The following CUX2 variants were observed in gnomAD, a reference collection of about 807,000 sequenced individuals.
The protein encoded by CUX2 is homeobox protein cut-like 2.
In CUX2, 40 loss-of-function variants were observed where a neutral mutation model predicts 144.8. The ratio of observed to expected loss-of-function variants is 0.28; its 90% CI spans 0.21 to 0.36. The LOEUF (loss-of-function observed/expected upper bound fraction) is 0.36, where lower values mean the gene tolerates loss of function less well. CUX2 is among the 10% of genes least tolerant of loss of function. CUX2 has a pLI of 1.00. For missense variants in CUX2, 1,615 were observed against 1,994.0 expected (o/e 0.81, Z 3.62); for synonymous variants, 827 against 875.6 (o/e 0.94, Z 0.98).
intron 1 of CUX2, among the ~76,000 whole-genome samples, chr12:111,073,461 A>G (rs1042484589): frequency 6.6e-6 from 1 of 152,060 alleles, no homozygotes. Flanking sequence ...TGTTAGGAAC[A>G]TTTGTTCATT....
chr12:111,281,051 G>A (rs957174812), intron 4 of CUX2, among the ~76,000 whole-genome samples: 25 of 152,020 alleles, frequency 1.6e-4, no homozygotes, highest in African/African-American at 5.3e-4. Context: ...TGCAGTAGCC[G>A]CCTATCTGAC....
intron 1 of CUX2, among the ~76,000 whole-genome samples, chr12:111,084,828 C>T (rs968344497): frequency 2.6e-5 from 4 of 152,128 alleles, no homozygotes; most frequent in African/African-American, 4.8e-5. Flanking sequence ...TGTACCTGCT[C>T]TCACTCGGGC....
intron 1 of CUX2, among the ~76,000 whole-genome samples, chr12:111,063,040 G>A (rs1870850790): frequency 6.6e-6 from 1 of 152,170 alleles, no homozygotes; most frequent in Non-Finnish European, 1.5e-5. Context: ...GAGGATTGAA[G>A]GGGTTTGAGG....
chr12:111,237,608 G>A (rs533605954), intron 3 of CUX2, among the ~76,000 whole-genome samples: 1 of 152,298 alleles, frequency 6.6e-6, no homozygotes, highest in African/African-American at 2.4e-5. Flanking sequence ...GAGCTGTTTA[G>A]AAACAGGTAT....
intron 14 of CUX2, 144 bp downstream of exon 14, chr12:111,308,670 T>C: frequency 2.9e-6 from 2 of 685,986 alleles, no homozygotes; most frequent in African/African-American, 1.8e-5. Flanking sequence ...TGGCACCTGC[T>C]GTATGCCTGT....
intron 3 of CUX2, among the ~76,000 whole-genome samples, chr12:111,256,777 T>C (rs753476119): frequency 6.6e-6 from 1 of 152,142 alleles, no homozygotes; most frequent in Non-Finnish European, 1.5e-5. Flanking sequence ...TCTTCCTCTG[T>C]AGAACAGGGC....
chr12:111,318,694 T>C (rs1000294079), intron 16 of CUX2, among the ~76,000 whole-genome samples: 2 of 152,130 alleles, frequency 1.3e-5, no homozygotes. Context: ...ACTATTTTTT[T>C]TTCTAGAGAT....
At chr12:111,122,040 G>A (rs939061152) in intron 1 of CUX2, among the ~76,000 whole-genome samples, 1 of 152,146 alleles carries the variant, frequency 6.6e-6, no homozygotes, top group Non-Finnish European at 1.5e-5. Flanking sequence ...GGAAGTTTCT[G>A]GTTTGACTGG....
rs1870792382 is a variant in CUX2, at chr12:111,061,917, T to G, written c.63+27677T>G. ...CAAGTTCAAATTCTGCCCCTGCCAA[T>G]AAGACTTCAGCGCGTGCACTCCATC... On this transcript the variant is annotated intron_variant, in intron 1 of 21. Transcript: ENST00000261726. The surrounding 1 kb of genome is among the most constrained non-coding windows in gnomAD (Gnocchi z 4.2). Among the ~76,000 whole-genome samples the G allele has an allele frequency of 6.6e-6, 1 of 152,192 alleles. No individual in the cohort carries two copies. Among genetic ancestry groups the G allele is most frequent in the Non-Finnish European group, 1.5e-5 (1 of 68,030 alleles).
At position 111,310,804 on chromosome 12, in the gene CUX2, AC is replaced by A; in HGVS notation, c.1900+125del. ...AGCTCTACCACCACCTGGCTGTGTG[AC>A]CCAGGGCCAGTGGCTTTGCCTGTCT... On this transcript the variant is annotated intron_variant, in intron 15 of 21. Coordinates refer to ENST00000261726, the MANE Select transcript of CUX2 (RefSeq NM_015267.4). This position sits in a 1 kb window ranked among gnomAD's most constrained non-coding sequence, Gnocchi z 7.9. 8.6e-7 allele frequency: 1 copy of A among 1,162,952 alleles called. No homozygotes were observed. Among genetic ancestry groups the A allele is most frequent in the Non-Finnish European group, 1.2e-6 (1 of 850,756 alleles). The allele number at this position is 1,162,952 out of a possible 1,614,324, so 72.0% of individuals were successfully genotyped here.
At chr12:111,301,334 T>G (rs995676190) in intron 9 of CUX2, among the ~76,000 whole-genome samples, 1 of 152,052 alleles carries the variant, frequency 6.6e-6, no homozygotes, top group African/African-American at 2.4e-5. Flanking sequence ...TGTACTTAAG[T>G]TTGTACTCTA....
At chr12:111,313,406 G>A (rs1037019711) in intron 16 of CUX2, among the ~76,000 whole-genome samples, 9 of 151,032 alleles carry the variant, frequency 6.0e-5, no homozygotes, top group Admixed American at 1.3e-4. Flanking sequence ...GTGGGAGGCC[G>A]AGGCGGGCGG....
At chr12:111,074,296 C>T (rs1001569103) in intron 1 of CUX2, among the ~76,000 whole-genome samples, 3 of 152,012 alleles carry the variant, frequency 2.0e-5, no homozygotes, top group Non-Finnish European at 4.4e-5. Context: ...CCAGGTCTCT[C>T]GAAACAGATT....
rs117921594 is a variant in CUX2, at chr12:111,225,797, C to T, written c.222+7860C>T. Among the ~76,000 whole-genome samples the T allele has an allele frequency of 1.1e-3, 168 of 152,288 alleles. No homozygotes were observed. In the Middle Eastern group the frequency reaches 0.037, roughly 34 times the overall value. The stretch of plus-strand genomic sequence containing the variant: ...TCAGGCAGAATCTGCCAGGAAAGCC[C>T]GCCGCATACAAAGAGCTGTGATTCG... On this transcript the variant is annotated intron_variant, in intron 3 of 21. Coordinates refer to ENST00000261726, the MANE Select transcript of CUX2 (RefSeq NM_015267.4).
intron 3 of CUX2, among the ~76,000 whole-genome samples, chr12:111,238,942 G>C (rs1180781710): frequency 2.0e-5 from 3 of 152,222 alleles, no homozygotes; most frequent in African/African-American, 7.2e-5. Context: ...CTACTCGGGA[G>C]GCTGAGGCTT....
chr12:111,141,979 G>A (rs538623667), intron 1 of CUX2, among the ~76,000 whole-genome samples: 17 of 152,286 alleles, frequency 1.1e-4, no homozygotes, highest in African/African-American at 4.1e-4. Context: ...AGCTACTCAG[G>A]AGGCTGAGGC....
chr12:111,308,833 T>C (rs1023315387), intron 14 of CUX2, among the ~76,000 whole-genome samples: 2 of 152,158 alleles, frequency 1.3e-5, no homozygotes, highest in Non-Finnish European at 2.9e-5. Context: ...AAGCAGGGCA[T>C]TGTCATTACA....
chr12:111,117,175 T>C (rs977201293), intron 1 of CUX2, among the ~76,000 whole-genome samples: 2 of 152,220 alleles, frequency 1.3e-5, no homozygotes, highest in Admixed American at 1.3e-4. Context: ...CATTGAGCAA[T>C]GTATCAGTAA....
intron 20 of CUX2, 112 bp from the exon 21 acceptor site, chr12:111,341,668 A>G: frequency 7.8e-7 from 1 of 1,280,122 alleles, no homozygotes; most frequent in Non-Finnish European, 1.1e-6. Context: ...TTAGGGCATG[A>G]TGGCCTCCGA....
Sources: gnomAD v4.1 joint callset for allele counts (sites outside exome capture counted in the v4.1 genomes callset) on GRCh38, gnomAD v4.1.1 for gene constraint, Gnocchi (gnomAD v3.1) non-coding constraint, MANE v1.5 for transcripts, NCBI Gene and HGNC (gene_info 2026-07-23, HGNC 2026-07-21) for gene names.